AGTR1: variants seen among roughly 807,000 people sequenced by gnomAD.
AGTR1 encodes type-1 angiotensin II receptor.
A neutral mutation model predicts 19.4 loss-of-function variants in AGTR1; 16 were observed. That is an observed-to-expected ratio of 0.82 (90% CI 0.56 to 1.25). The LOEUF (loss-of-function observed/expected upper bound fraction) is 1.25, where lower values mean the gene tolerates loss of function less well. Among genes scored for constraint, AGTR1 ranks in the 50% most tolerant of loss-of-function variants. The probability of loss-of-function intolerance (pLI) is 0.00; values close to 1 mark genes in which losing one functional copy is unlikely to be tolerated. For synonymous variants in AGTR1, 153 were observed against 154.9 expected, an observed-to-expected ratio of 0.99 and a Z score of 0.09; for missense variants, 373 against 431.9, an observed-to-expected ratio of 0.86 and a Z score of 1.21.
chr3:148,722,216 C>A (rs557473004), intron 2 of AGTR1, among the ~76,000 whole-genome samples: 11 of 152,126 alleles, frequency 7.2e-5, no homozygotes, highest in African/African-American at 2.4e-4. Context: ...CAGACCCAGT[C>A]AGTAATGACA....
rs138545856 is a variant in AGTR1, at chr3:148,742,052, C to T, written c.1017C>T (p.Tyr339=). ...NLSTKMSTLS[Y]RPSDNVSSST... is the part of the protein sequence containing the mutation. ...CAACAAAAATGAGCACGCTTTCCTA[C>T]CGCCCCTCAGATAATGTAAGCTCAT... Residue 339 remains tyrosine, a synonymous_variant, in exon 3 of 3, where the codon TAC becomes TAT. Transcript: ENST00000349243. 438 of 1,613,942 alleles carry T rather than the reference C, an allele frequency of 2.7e-4. No individual in the cohort carries two copies. The highest frequency in any genetic ancestry group is 3.5e-4 in the Non-Finnish European group (414 of 1,180,028).
rs1300686040 is a variant in AGTR1, at chr3:148,700,762, CTT to C, written c.-132+2638_-132+2639del. 3.3e-5 allele frequency among the ~76,000 whole-genome samples: 5 copies of C among 152,198 alleles called. No homozygotes were observed. The East Asian group carries it at 7.7e-4, about 23-fold the overall frequency. ...AGTGTCCAAGCCCAGCTTAGGAACACTTTTCTCCCATGTTATCTAGCAAACTG... is the reference window on the plus strand; with the variant it reads ...AGTGTCCAAGCCCAGCTTAGGAACACTTCTCCCATGTTATCTAGCAAACTG... On this transcript the variant is annotated intron_variant, in intron 1 of 2. Transcript: ENST00000349243.
chr3:148,717,566 G>A lies in AGTR1; in HGVS notation c.-48+9539G>A, dbSNP rs12695887. ...AGCACTGTGCTAGTATTTAATTATA[G>A]CTTTATACTGATACTGGGTACAAGT... On this transcript the variant is annotated intron_variant, in intron 2 of 2. Transcript: ENST00000349243. Among the ~76,000 whole-genome samples, 894 of 152,236 alleles carry A rather than the reference G, an allele frequency of 5.9e-3. 8 individuals are homozygous for A. Among genetic ancestry groups the A allele is most frequent in the African/African-American group, 0.021 (865 of 41,544 alleles).
At chr3:148,734,999 C>T (rs1010241922) in intron 2 of AGTR1, among the ~76,000 whole-genome samples, 3 of 152,236 alleles carry the variant, frequency 2.0e-5, no homozygotes, top group South Asian at 2.1e-4. Context: ...TACAGAATGC[C>T]AGATCACAGC....
chr3:148,709,685 G>A (rs970434671), intron 2 of AGTR1, among the ~76,000 whole-genome samples: 7 of 152,076 alleles, frequency 4.6e-5, no homozygotes, highest in African/African-American at 7.2e-5. Flanking sequence ...GCAGTATACT[G>A]AAATACAAAA....
chr3:148,722,282 T>C (rs1192044058), intron 2 of AGTR1, among the ~76,000 whole-genome samples: 2 of 152,236 alleles, frequency 1.3e-5, no homozygotes, highest in African/African-American at 4.8e-5. Flanking sequence ...CTATTTCATA[T>C]GTTCAAAATG....
intron 1 of AGTR1, among the ~76,000 whole-genome samples, chr3:148,707,553 T>G (rs1432510381): frequency 1.3e-5 from 2 of 152,194 alleles, no homozygotes; most frequent in African/African-American, 4.8e-5. Context: ...TAGAATCATT[T>G]AAGTTTAGCT....
chr3:148,700,378 A>G (rs1395927565), intron 1 of AGTR1, among the ~76,000 whole-genome samples: 1 of 152,178 alleles, frequency 6.6e-6, no homozygotes, highest in East Asian at 1.9e-4. Context: ...TGCATGATGC[A>G]TGTCTGCTGT....
At chr3:148,715,527 A>C (rs1713255608) in intron 2 of AGTR1, among the ~76,000 whole-genome samples, 1 of 152,182 alleles carries the variant, frequency 6.6e-6, no homozygotes, top group Non-Finnish European at 1.5e-5. Context: ...CCCCAGAGTA[A>C]GAAATAAGAA....
intron 2 of AGTR1, among the ~76,000 whole-genome samples, chr3:148,735,747 T>C (rs1714537887): frequency 6.6e-6 from 1 of 152,212 alleles, no homozygotes; most frequent in African/African-American, 2.4e-5. Flanking sequence ...TTATTTCCTG[T>C]GGCCTTACTT....
rs146041603 is a variant in AGTR1, at chr3:148,725,204, C to A, written c.-47-15785C>A. Among the ~76,000 whole-genome samples, 223 of 152,230 alleles carry A rather than the reference C, an allele frequency of 1.5e-3. 1 individual carries two copies. The highest frequency in any genetic ancestry group is 5.0e-3 in the African/African-American group (209 of 41,548). ...CCTGCATTTTGAAGGAAGTTTCTGT[C>A]ATTTAATTAGTTGAGGTTTGATTCA... On this transcript the variant is annotated intron_variant, in intron 2 of 2. Coordinates refer to ENST00000349243, the MANE Select transcript of AGTR1 (RefSeq NM_000685.5).
At chr3:148,728,713 T>C (rs373053833) in intron 2 of AGTR1, among the ~76,000 whole-genome samples, 23 of 152,318 alleles carry the variant, frequency 1.5e-4, no homozygotes, top group African/African-American at 5.5e-4. Flanking sequence ...ATTTGATTTA[T>C]AAGCTTCACC....
Position 148,742,143 on chromosome 3 carries a change from T to A in AGTR1, c.*28T>A. ...TGTTCGAAACCTGTCCATAAAGTAA[T>A]TTTGTGAAAGAAGGAGCAAGAGAAC... On this transcript the variant is annotated 3_prime_UTR_variant, in exon 3 of 3. Transcript: ENST00000349243. 3 of 1,613,266 alleles carry A rather than the reference T, an allele frequency of 1.9e-6. No individual in the cohort carries two copies. Among genetic ancestry groups the A allele is most frequent in the Non-Finnish European group, 1.7e-6 (2 of 1,179,344 alleles).
At chr3:148,740,502 T>G (rs1475108567) in intron 2 of AGTR1, among the ~76,000 whole-genome samples, 1 of 152,216 alleles carries the variant, frequency 6.6e-6, no homozygotes, top group Non-Finnish European at 1.5e-5. Flanking sequence ...ACTTATAATC[T>G]TTATACCTAA....
intron 2 of AGTR1, among the ~76,000 whole-genome samples, chr3:148,721,244 A>T (rs541716026): frequency 6.6e-6 from 1 of 152,166 alleles, no homozygotes; most frequent in African/African-American, 2.4e-5. Flanking sequence ...CTCTCAGTGT[A>T]TGAGTGTTCC....
intron 2 of AGTR1, among the ~76,000 whole-genome samples, chr3:148,717,335 A>G (rs1713362379): frequency 6.6e-6 from 1 of 152,166 alleles, no homozygotes; most frequent in African/African-American, 2.4e-5. Context: ...TTATTGGCTC[A>G]ATTTTCTTTA....
In AGTR1 at chr3:148,716,286, A is replaced by G. The variant is rs1307658597; in HGVS notation, c.-48+8259A>G. Among the ~76,000 whole-genome samples, 1 of 152,128 alleles carries G rather than the reference A, an allele frequency of 6.6e-6. No homozygotes were observed. The highest frequency in any genetic ancestry group is 1.5e-5 in the Non-Finnish European group (1 of 68,024). On this transcript the variant is annotated intron_variant, in intron 2 of 2. Transcript: ENST00000349243. This position sits in a 1 kb window ranked among gnomAD's most constrained non-coding sequence, Gnocchi z 4.7. ...CCCTGGTCTCACAGAACTAAAAAGG[A>G]GGCTCCTAGAAATGGGGTTGTGTTG...
At chr3:148,705,913 T>C (rs1321960220) in intron 1 of AGTR1, among the ~76,000 whole-genome samples, 2 of 151,918 alleles carry the variant, frequency 1.3e-5, no homozygotes, top group Non-Finnish European at 2.9e-5. Context: ...TAGGATTGAT[T>C]TGTTAGTAAA....
At chr3:148,710,525 C>T (rs1712921127) in intron 2 of AGTR1, among the ~76,000 whole-genome samples, 1 of 152,140 alleles carries the variant, frequency 6.6e-6, no homozygotes, top group Non-Finnish European at 1.5e-5. Flanking sequence ...CTTCCTTACT[C>T]ATTACCTTCT....
Sources: allele counts gnomAD v4.1 joint callset (sites outside exome capture counted in the v4.1 genomes callset), GRCh38; gene constraint gnomAD v4.1.1; non-coding constraint Gnocchi (gnomAD v3.1); transcripts MANE v1.5; gene names NCBI Gene and HGNC (gene_info 2026-07-23, HGNC 2026-07-21).